The following GRID2 variants were observed in gnomAD, a reference collection of about 807,000 sequenced individuals.
GRID2 encodes the protein glutamate receptor ionotropic, delta-2.
Under a neutral mutation model 114.8 loss-of-function variants are expected in GRID2, and 33 were observed. That is an observed-to-expected ratio of 0.29 (90% confidence interval 0.22 to 0.38). GRID2 has a LOEUF of 0.38. Ranked by LOEUF, GRID2 falls within the 10% of genes least tolerant of loss-of-function variation. The pLI is 1.00. For missense variants in GRID2, 1,184 were observed against 1,257.7 expected (o/e 0.94, Z 0.89); for synonymous variants, 505 against 449.9 (o/e 1.12, Z -1.55).
chr4:93,609,042 T>A (rs1486149581), intron 13 of GRID2, among the ~76,000 whole-genome samples: 1 of 103,458 alleles, frequency 9.7e-6, no homozygotes, highest in African/African-American at 3.8e-5. Context: ...TGGTTTTGAT[T>A]TGCATTTCTC....
At chr4:93,593,983 C>G (rs1738724301) in intron 13 of GRID2, among the ~76,000 whole-genome samples, 1 of 151,744 alleles carries the variant, frequency 6.6e-6, no homozygotes, top group Non-Finnish European at 1.5e-5. Flanking sequence ...TTTTCAACTT[C>G]TTTGCCTTTG....
At chr4:92,426,373 G>T (rs1732156797) in intron 1 of GRID2, among the ~76,000 whole-genome samples, 1 of 152,032 alleles carries the variant, frequency 6.6e-6, no homozygotes, top group African/African-American at 2.4e-5. Context: ...GGGTAGAAAA[G>T]GTATATGCTT....
intron 14 of GRID2, among the ~76,000 whole-genome samples, chr4:93,762,891 T>C (rs1477838120): frequency 1.3e-5 from 2 of 151,968 alleles, no homozygotes; most frequent in Non-Finnish European, 2.9e-5. Context: ...CATCATACCA[T>C]CTGGAGGGCT....
chr4:93,783,863 G>A (rs986078904), intron 1 of GRID2, among the ~76,000 whole-genome samples: 7 of 151,516 alleles, frequency 4.6e-5, no homozygotes, highest in Admixed American at 4.0e-4. Flanking sequence ...ACGAGGTCAG[G>A]AGATCGAGAC....
At chr4:93,337,147 T>C (rs1438859241) in intron 8 of GRID2, among the ~76,000 whole-genome samples, 1 of 152,208 alleles carries the variant, frequency 6.6e-6, no homozygotes, top group Non-Finnish European at 1.5e-5. Flanking sequence ...GAGGATTTAC[T>C]TATGTTGCCT....
intron 2 of GRID2, among the ~76,000 whole-genome samples, chr4:93,033,410 G>T (rs72665238): frequency 1.3e-5 from 2 of 152,070 alleles, no homozygotes; most frequent in Non-Finnish European, 2.9e-5. Flanking sequence ...TCCTCCCCTC[G>T]TGAAGTCAGA....
intron 8 of GRID2, among the ~76,000 whole-genome samples, chr4:93,241,039 C>A (rs1747450699): frequency 6.6e-6 from 1 of 151,606 alleles, no homozygotes; most frequent in Admixed American, 6.6e-5. Flanking sequence ...CTTCTCTCAA[C>A]ATTTAAGGTA....
chr4:92,476,023 C>CT (rs752757998), intron 1 of GRID2, among the ~76,000 whole-genome samples: 7,062 of 125,064 alleles, frequency 0.056, 557 homozygotes, highest in East Asian at 0.17. Flanking sequence ...TTCAGTGCTT[C>CT]TTTTTTTTTT....
intron 1 of GRID2, among the ~76,000 whole-genome samples, chr4:92,438,217 A>G (rs1039297249): frequency 4.5e-4 from 69 of 152,164 alleles, no homozygotes; most frequent in African/African-American, 1.6e-3. Context: ...TCAGGATACA[A>G]TTTATCTGCT....
At chr4:93,740,752 A>G (rs1043762782) in intron 14 of GRID2, among the ~76,000 whole-genome samples, 5 of 152,120 alleles carry the variant, frequency 3.3e-5, no homozygotes, top group African/African-American at 7.2e-5. Context: ...GTCATCACAC[A>G]TATATTTCTA....
intron 2 of GRID2, among the ~76,000 whole-genome samples, chr4:92,945,336 T>C (rs1219789358): frequency 6.6e-6 from 1 of 152,166 alleles, no homozygotes; most frequent in Non-Finnish European, 1.5e-5. Context: ...CCAACATTAC[T>C]TATGAGAATA....
chr4:92,932,539 TCAAG>T (rs1172317859), intron 2 of GRID2, among the ~76,000 whole-genome samples: 1 of 151,246 alleles, frequency 6.6e-6, no homozygotes, highest in Non-Finnish European at 1.5e-5. Flanking sequence ...AATCCTAAAA[TCAAG>T]CAACCCCATT....
At chr4:92,785,109 C>T (rs1184045028) in intron 2 of GRID2, among the ~76,000 whole-genome samples, 3 of 144,518 alleles carry the variant, frequency 2.1e-5, no homozygotes, top group Non-Finnish European at 3.0e-5. Flanking sequence ...ACATAATCCA[C>T]TAAAAATGAT....
intron 1 of GRID2, among the ~76,000 whole-genome samples, chr4:92,387,761 AG>A (rs1397691147): frequency 6.6e-6 from 1 of 152,026 alleles, no homozygotes; most frequent in African/African-American, 2.4e-5. Flanking sequence ...TCAATGTAGA[AG>A]GGGCCTTCCT....
intron 4 of GRID2, among the ~76,000 whole-genome samples, chr4:93,113,612 T>C (rs1481793282): frequency 1.3e-5 from 2 of 152,192 alleles, no homozygotes; most frequent in Admixed American, 1.3e-4. Flanking sequence ...TTTTCTCAAG[T>C]TTATAGCCTG....
rs186647944 is a variant in GRID2 at position 92,971,014 on chromosome 4, T to A, written c.245-113981T>A. 1.1e-3 allele frequency among the ~76,000 whole-genome samples: 169 copies of A among 148,796 alleles called. No individual in the cohort carries two copies. The East Asian group carries it at 0.023, about 20-fold the overall frequency. ...GTGTGTGTATTGTTAAAGCTTTTTT[T>A]AAAAAAAAAAATTTGTACAGAAGAA... On this transcript the variant is annotated intron_variant, in intron 2 of 15. Coordinates refer to ENST00000282020, the MANE Select transcript of GRID2 (RefSeq NM_001510.4).
intron 8 of GRID2, among the ~76,000 whole-genome samples, chr4:93,257,997 TATACACAC>T (rs1267385784): frequency 0.051 from 853 of 16,572 alleles, 9 homozygotes; most frequent in African/African-American, 0.24. Flanking sequence ...TATATATATA[TATACACAC>T]ACACACACAC....
Position 93,148,299 on chromosome 4 carries a change from T to C in GRID2, c.735+37346T>C, listed in dbSNP as rs72665295. Among the ~76,000 whole-genome samples the C allele has an allele frequency of 6.3e-3, 954 of 152,264 alleles. 8 individuals carry two copies. Among genetic ancestry groups the C allele is most frequent in the Middle Eastern group, 0.037 (11 of 294 alleles). ...ATAACACTACTGCCAACTTCATAAA[T>C]GGCACACCAATAACACTCATACACT... On this transcript the variant is annotated intron_variant, in intron 4 of 15. Coordinates refer to ENST00000282020, the MANE Select transcript of GRID2 (RefSeq NM_001510.4).
chr4:92,873,118 T>A (rs1161957713), intron 2 of GRID2, among the ~76,000 whole-genome samples: 1 of 152,082 alleles, frequency 6.6e-6, no homozygotes, highest in African/African-American at 2.4e-5. Flanking sequence ...AAAATGAAAA[T>A]TTTTTTGTTT....
Sources: allele counts gnomAD v4.1 joint callset (sites outside exome capture counted in the v4.1 genomes callset), GRCh38; gene constraint gnomAD v4.1.1; transcripts MANE v1.5; gene names NCBI Gene and HGNC (gene_info 2026-07-23, HGNC 2026-07-21).